SNTG1: variants seen among roughly 807,000 people sequenced by gnomAD.
The protein encoded by SNTG1 is gamma-1-syntrophin.
Under a neutral mutation model 74.7 loss-of-function variants are expected in SNTG1, and 39 were observed. The ratio of observed to expected loss-of-function variants is 0.52; its 90% CI spans 0.40 to 0.68. The LOEUF is 0.68. Ranked by LOEUF, SNTG1 falls within the 30% of genes least tolerant of loss-of-function variation. The probability of loss-of-function intolerance (pLI) is 0.00; values close to 1 mark genes in which losing one functional copy is unlikely to be tolerated. For missense variants in SNTG1, 685 were observed against 609.5 expected (o/e 1.12, Z -1.30); for synonymous variants, 254 against 217.1 (o/e 1.17, Z -1.49).
intron 1 of SNTG1, chr8:50,164,512 G>A (rs2082543787): frequency 1.3e-5 from 2 of 152,178 alleles, no homozygotes; most frequent in East Asian, 3.8e-4. Context: ...TAGATAGGTT[G>A]TTAAGTAGAT....
At chr8:49,944,721 TATA>T (rs940376876) in intron 1 of SNTG1, among the ~76,000 whole-genome samples, 124 of 148,904 alleles carry the variant, frequency 8.3e-4, no homozygotes, top group African/African-American at 3.0e-3. Flanking sequence ...TAAAACAAAG[TATA>T]ATAATAAAAA....
intron 1 of SNTG1, among the ~76,000 whole-genome samples, chr8:50,015,378 A>G (rs1816216488): frequency 6.6e-6 from 1 of 152,054 alleles, no homozygotes; most frequent in African/African-American, 2.4e-5. Context: ...ATGAAGAAAC[A>G]TGAACAAAGC....
intron 15 of SNTG1, among the ~76,000 whole-genome samples, chr8:50,699,949 T>A (rs2095417907): frequency 6.6e-6 from 1 of 152,172 alleles, no homozygotes; most frequent in South Asian, 2.1e-4. Flanking sequence ...TTATTTCCAC[T>A]TTAGTGATGA....
intron 1 of SNTG1, among the ~76,000 whole-genome samples, chr8:50,098,338 G>T (rs1200116333): frequency 6.6e-6 from 1 of 152,058 alleles, no homozygotes; most frequent in Admixed American, 6.6e-5. Context: ...GTATCGCTAG[G>T]TTACTCATTT....
intron 2 of SNTG1, among the ~76,000 whole-genome samples, chr8:50,363,102 C>A (rs1587320027): frequency 1.3e-5 from 2 of 152,154 alleles, no homozygotes; most frequent in South Asian, 2.1e-4. Context: ...AAATAATGGT[C>A]TTTTTTTCAA....
intron 2 of SNTG1, among the ~76,000 whole-genome samples, chr8:50,345,055 C>T (rs951936426): frequency 2.0e-5 from 3 of 152,142 alleles, no homozygotes; most frequent in African/African-American, 4.8e-5. Flanking sequence ...CTGCTGATAC[C>T]TTAATCTTGG....
chr8:50,260,425 A>G (rs900867980), intron 2 of SNTG1, among the ~76,000 whole-genome samples: 1 of 152,122 alleles, frequency 6.6e-6, no homozygotes, highest in Non-Finnish European at 1.5e-5. Flanking sequence ...ACTATAGTAC[A>G]CTTCTCCACA....
At chr8:49,943,912 T>A (rs767928919) in intron 1 of SNTG1, among the ~76,000 whole-genome samples, 1 of 152,174 alleles carries the variant, frequency 6.6e-6, no homozygotes, top group Non-Finnish European at 1.5e-5. Context: ...AATGCATTTA[T>A]TTTTTTAAAA....
intron 1 of SNTG1, among the ~76,000 whole-genome samples, chr8:50,090,452 C>T (rs1397023046): frequency 1.3e-5 from 2 of 152,120 alleles, no homozygotes; most frequent in African/African-American, 4.8e-5. Flanking sequence ...AGCTTCAGTC[C>T]TGTGTTCTCA....
chr8:50,598,718 C>T (rs1395180940), intron 13 of SNTG1, among the ~76,000 whole-genome samples: 19 of 151,894 alleles, frequency 1.3e-4, no homozygotes. Context: ...ACACAGACTA[C>T]CTTTCTATTT....
chr8:50,511,172 T>A (rs142107298), intron 9 of SNTG1, among the ~76,000 whole-genome samples: 10 of 152,202 alleles, frequency 6.6e-5, no homozygotes, highest in Non-Finnish European at 1.5e-4. Context: ...TTTAGTTATA[T>A]ACCCAGTAGT....
intron 18 of SNTG1, among the ~76,000 whole-genome samples, chr8:50,757,537 C>A (rs2095583516): frequency 6.6e-6 from 1 of 151,876 alleles, no homozygotes; most frequent in South Asian, 2.1e-4. Flanking sequence ...TTTCTCCATT[C>A]ACTGACTTTT....
intron 2 of SNTG1, among the ~76,000 whole-genome samples, chr8:50,389,822 C>A (rs2092629503): frequency 2.0e-5 from 3 of 152,202 alleles, no homozygotes; most frequent in Admixed American, 1.3e-4. Context: ...ATTTTCATTT[C>A]TCTGATGGCC....
intron 2 of SNTG1, among the ~76,000 whole-genome samples, chr8:50,196,255 G>C (rs972561598): frequency 6.6e-6 from 1 of 152,108 alleles, no homozygotes; most frequent in African/African-American, 2.4e-5. Context: ...CTGGACAGAA[G>C]ACCCTGATTT....
intron 1 of SNTG1, among the ~76,000 whole-genome samples, chr8:50,103,390 T>C (rs539509840): frequency 3.3e-5 from 5 of 152,194 alleles, no homozygotes; most frequent in African/African-American, 1.2e-4. Flanking sequence ...AGAATGCTTG[T>C]GATTTTTGTA....
intron 2 of SNTG1, among the ~76,000 whole-genome samples, chr8:50,181,976 AT>A (rs1257072102): frequency 3.9e-5 from 6 of 152,222 alleles, no homozygotes; most frequent in African/African-American, 1.2e-4. Context: ...GAATACAATA[AT>A]TATTCTGCTA....
Position 50,625,987 on chromosome 8 carries a change from C to T in SNTG1, c.850-30922C>T, listed in dbSNP as rs142237272. ...TATGGTGGTGGATTTTTTTACACAGCCAAAAGATACACACATGGCTTCAAA... is the reference window on the plus strand; with the variant it reads ...TATGGTGGTGGATTTTTTTACACAGTCAAAAGATACACACATGGCTTCAAA... On this transcript the variant is annotated intron_variant, in intron 13 of 18. Transcript: ENST00000642720. 4.8e-3 allele frequency among the ~76,000 whole-genome samples: 731 copies of T among 152,160 alleles called. 6 individuals are homozygous for T. The highest frequency in any genetic ancestry group is 0.017 in the African/African-American group (687 of 41,510).
chr8:50,223,538 T>G (rs2085173338), intron 2 of SNTG1, among the ~76,000 whole-genome samples: 1 of 152,118 alleles, frequency 6.6e-6, no homozygotes, highest in Non-Finnish European at 1.5e-5. Context: ...GGAAGGTATT[T>G]TCAACATTAG....
intron 2 of SNTG1, among the ~76,000 whole-genome samples, chr8:50,255,352 T>A (rs2086834020): frequency 6.6e-6 from 1 of 152,210 alleles, no homozygotes; most frequent in African/African-American, 2.4e-5. Context: ...ATGTTTTGGA[T>A]TAAATTCTAA....
Sources: gnomAD v4.1 joint callset for allele counts (sites outside exome capture counted in the v4.1 genomes callset) on GRCh38, gnomAD v4.1.1 for gene constraint, MANE v1.5 for transcripts, NCBI Gene and HGNC (gene_info 2026-07-23, HGNC 2026-07-21) for gene names.